ANKFN1: variants seen among roughly 807,000 people sequenced by gnomAD.
ANKFN1 encodes the protein ankyrin repeat and fibronectin type III domain containing 1.
Under a neutral mutation model 108.7 loss-of-function variants are expected in ANKFN1, and 74 were observed. The ratio of observed to expected loss-of-function variants is 0.68; its 90% CI spans 0.56 to 0.83. The LOEUF (loss-of-function observed/expected upper bound fraction) is 0.83, where lower values mean the gene tolerates loss of function less well. ANKFN1 is among the 40% of genes least tolerant of loss of function. The pLI, the probability that ANKFN1 is intolerant of heterozygous loss-of-function variation, is 0.00. For synonymous variants in ANKFN1, 547 were observed against 516.2 expected (o/e 1.06, Z -0.81); for missense variants, 1,505 against 1,382.3 (o/e 1.09, Z -1.41).
chr17:56,291,770 G>T (rs1335680623), intron 3 of ANKFN1, among the ~76,000 whole-genome samples: 1 of 152,140 alleles, frequency 6.6e-6, no homozygotes, highest in Non-Finnish European at 1.5e-5. Context: ...TCTGACACAT[G>T]GTTCAGGACA....
intron 3 of ANKFN1, among the ~76,000 whole-genome samples, chr17:56,229,654 C>A (rs1598275885): frequency 1.2e-5 from 1 of 84,102 alleles, no homozygotes. Flanking sequence ...CGTTACCTTT[C>A]AGATTGCAAA....
intron 4 of ANKFN1, among the ~76,000 whole-genome samples, chr17:56,327,920 G>T (rs966590382): frequency 4.6e-5 from 7 of 152,094 alleles, no homozygotes; most frequent in African/African-American, 1.7e-4. Flanking sequence ...ACAGATGAGG[G>T]TTTATGTGAG....
At chr17:56,200,844 A>C (rs180966574) in intron 1 of ANKFN1, among the ~76,000 whole-genome samples, 23 of 152,358 alleles carry the variant, frequency 1.5e-4, no homozygotes, top group African/African-American at 5.5e-4. Context: ...GTCTGAAGTC[A>C]TCCCAATCCT....
At chr17:56,242,791 T>C (rs760692557) in intron 3 of ANKFN1, among the ~76,000 whole-genome samples, 2 of 152,120 alleles carry the variant, frequency 1.3e-5, no homozygotes, top group African/African-American at 2.4e-5. Context: ...GAATAATGTG[T>C]GCTGTATGTT....
At chr17:56,069,338 G>A (rs191323128) in intron 4 of ANKFN1, among the ~76,000 whole-genome samples, 48 of 152,224 alleles carry the variant, frequency 3.2e-4, no homozygotes, top group South Asian at 6.2e-4. Context: ...GGTACAGCGC[G>A]AAATGCCAGT....
intron 1 of ANKFN1, among the ~76,000 whole-genome samples, chr17:56,176,054 G>A (rs938333570): frequency 1.3e-5 from 2 of 152,030 alleles, no homozygotes; most frequent in African/African-American, 4.8e-5. Flanking sequence ...AGTGTGACAT[G>A]AAGGGGGGTA....
intron 4 of ANKFN1, among the ~76,000 whole-genome samples, chr17:56,053,382 G>T (rs1289860797): frequency 6.6e-6 from 1 of 152,094 alleles, no homozygotes. Context: ...GCACCCACAA[G>T]TGTAAATGAG....
chr17:56,059,537 G>A (rs1189309541), intron 4 of ANKFN1, among the ~76,000 whole-genome samples: 2 of 152,100 alleles, frequency 1.3e-5, no homozygotes, highest in African/African-American at 4.8e-5. Flanking sequence ...TATTGCCTAG[G>A]TTTTCTTCTA....
chr17:56,362,453 A>G (rs983926927), intron 6 of ANKFN1, among the ~76,000 whole-genome samples: 2 of 152,222 alleles, frequency 1.3e-5, no homozygotes, highest in African/African-American at 2.4e-5. Flanking sequence ...CCATGAATGG[A>G]CGGTAAACTG....
intron 4 of ANKFN1, among the ~76,000 whole-genome samples, chr17:56,136,567 A>G (rs1333729688): frequency 6.6e-6 from 1 of 152,220 alleles, no homozygotes; most frequent in African/African-American, 2.4e-5. Context: ...AAGACCAAAT[A>G]TATTGCAAAA....
At chr17:56,426,224 T>C (rs2048564938) in intron 8 of ANKFN1, among the ~76,000 whole-genome samples, 1 of 152,218 alleles carries the variant, frequency 6.6e-6, no homozygotes, top group African/African-American at 2.4e-5. Flanking sequence ...TACTTTAGAA[T>C]ACATAAAATT....
At chr17:56,325,783 G>C (rs1006943444) in intron 3 of ANKFN1, among the ~76,000 whole-genome samples, 2 of 152,128 alleles carry the variant, frequency 1.3e-5, no homozygotes, top group African/African-American at 4.8e-5. Context: ...GCCCCAGAAG[G>C]GCTGTAGATC....
At chr17:56,399,465 C>A (rs941100224) in intron 8 of ANKFN1, among the ~76,000 whole-genome samples, 1 of 151,522 alleles carries the variant, frequency 6.6e-6, no homozygotes, top group South Asian at 2.1e-4. Flanking sequence ...CAAGTCATAA[C>A]CCCTTATTTA....
chr17:56,449,034 C>T, intron 10 of ANKFN1, 45 bp from the exon 11 acceptor site: 1 of 1,556,810 alleles, frequency 6.4e-7, no homozygotes, highest in Non-Finnish European at 8.9e-7. Flanking sequence ...GAAGAGGCCT[C>T]CCCTGTTTTA....
intron 3 of ANKFN1, among the ~76,000 whole-genome samples, chr17:56,234,793 A>G (rs918481654): frequency 6.6e-6 from 1 of 152,082 alleles, no homozygotes; most frequent in Non-Finnish European, 1.5e-5. Context: ...TACTATTGTG[A>G]CAGGTGTTGC....
At chr17:56,155,946 T>C (rs1041339889) in intron 1 of ANKFN1, among the ~76,000 whole-genome samples, 6 of 152,202 alleles carry the variant, frequency 3.9e-5, no homozygotes, top group Non-Finnish European at 7.3e-5. Context: ...GGAAGTCACA[T>C]GGTGTCTGGG....
intron 16 of ANKFN1, among the ~76,000 whole-genome samples, 195 bp downstream of exon 16, chr17:56,477,849 C>G (rs182257858): frequency 1.4e-3 from 207 of 151,864 alleles, no homozygotes; most frequent in African/African-American, 4.8e-3. Flanking sequence ...TTTTTTGAGA[C>G]GGAGTTTCAC....
intron 4 of ANKFN1, among the ~76,000 whole-genome samples, chr17:56,078,157 G>C (rs1335798622): frequency 6.6e-6 from 1 of 152,120 alleles, no homozygotes; most frequent in Non-Finnish European, 1.5e-5. Context: ...TCTTTTAGCT[G>C]GGCTACTTTT....
In ANKFN1 at chr17:56,512,746, C is replaced by T. The variant is rs955543058; in HGVS notation, c.*1477C>T. Among the ~76,000 whole-genome samples, 2 of 152,224 alleles carry T rather than the reference C, an allele frequency of 1.3e-5. No homozygotes were observed. The highest frequency in any genetic ancestry group is 4.8e-5 in the African/African-American group (2 of 41,462). On this transcript the variant is annotated 3_prime_UTR_variant, in exon 21 of 21. Transcript: ENST00000682825. ...GAGTTCATACAAAGTCCCCTGTTCA[C>T]AATGTTATTCTGATCCCTTCCATTT...
Sources: allele counts gnomAD v4.1 joint callset (sites outside exome capture counted in the v4.1 genomes callset), GRCh38; gene constraint gnomAD v4.1.1; transcripts MANE v1.5; gene names NCBI Gene and HGNC (gene_info 2026-07-23, HGNC 2026-07-21).